Variants in DNM3 observed in about 807,000 individuals in gnomAD.
The protein encoded by DNM3 is dynamin 3.
Under a neutral mutation model 101.6 loss-of-function variants are expected in DNM3, and 47 were observed. The ratio of observed to expected loss-of-function variants is 0.46; its 90% CI spans 0.37 to 0.59. The LOEUF is 0.59. DNM3 is among the 20% of genes least tolerant of loss of function. DNM3 has a pLI of 0.00. For synonymous variants in DNM3, 385 were observed against 387.9 expected (o/e 0.99, Z 0.09); for missense variants, 849 against 1,085.7 (o/e 0.78, Z 3.06).
intron 13 of DNM3, among the ~76,000 whole-genome samples, chr1:172,114,603 C>G (rs1472601772): frequency 6.6e-6 from 1 of 152,180 alleles, no homozygotes. Flanking sequence ...CTTTTGTTCC[C>G]TGTACTAACA....
intron 15 of DNM3, among the ~76,000 whole-genome samples, chr1:172,270,747 A>G (rs2063052313): frequency 6.6e-6 from 1 of 152,154 alleles, no homozygotes; most frequent in Non-Finnish European, 1.5e-5. Flanking sequence ...GCAACGTCTA[A>G]CTGTAGCGAG....
chr1:172,067,202 C>T (rs1448905727), intron 10 of DNM3, among the ~76,000 whole-genome samples: 1 of 152,106 alleles, frequency 6.6e-6, no homozygotes, highest in Non-Finnish European at 1.5e-5. Context: ...TGCTTATTGA[C>T]TATTAAGTCT....
intron 2 of DNM3, among the ~76,000 whole-genome samples, chr1:171,938,386 TCTC>T (rs1309745888): frequency 6.6e-6 from 1 of 152,146 alleles, no homozygotes; most frequent in Non-Finnish European, 1.5e-5. Context: ...GAGCTTGGCA[TCTC>T]CTCCTTGATT....
At chr1:172,081,783 G>T in intron 11 of DNM3, 49 bp from the exon 12 acceptor site, 1 of 1,492,112 alleles carries the variant, frequency 6.7e-7, no homozygotes. Flanking sequence ...TTTAATGTTT[G>T]AGAATTTTTA....
chr1:172,355,015 C>A (rs754480923), intron 17 of DNM3, among the ~76,000 whole-genome samples: 2 of 152,130 alleles, frequency 1.3e-5, no homozygotes, highest in African/African-American at 2.4e-5. Flanking sequence ...AGAGAAAAGT[C>A]TTTGAGAATC....
At chr1:171,956,159 AC>A (rs1287666598) in intron 2 of DNM3, among the ~76,000 whole-genome samples, 2 of 152,144 alleles carry the variant, frequency 1.3e-5, no homozygotes, top group Middle Eastern at 3.2e-3. Flanking sequence ...TGCCTTCCCA[AC>A]AGTCCCCTAA....
At chr1:172,121,898 C>T (rs1051583845) in intron 13 of DNM3, among the ~76,000 whole-genome samples, 1 of 152,114 alleles carries the variant, frequency 6.6e-6, no homozygotes, top group South Asian at 2.1e-4. Flanking sequence ...TTCAGTCAAT[C>T]CAGTCAGTTC....
At position 172,326,674 on chromosome 1, in the gene DNM3, G is replaced by A. The variant is rs142961829; in HGVS notation, c.1893+3334G>A. Among the ~76,000 whole-genome samples the A allele has an allele frequency of 2.2e-3, 328 of 151,736 alleles. 1 individual carries two copies. The highest frequency in any genetic ancestry group is 7.4e-3 in the African/African-American group (306 of 41,360). On this transcript the variant is annotated intron_variant, in intron 17 of 20. Transcript: ENST00000627582. Reference sequence around the variant, plus strand: ...TTTAATTTTTTATTAAATACTTGACGTTTCAGTTAAATATTTTTGATATTA... The same window carrying A: ...TTTAATTTTTTATTAAATACTTGACATTTCAGTTAAATATTTTTGATATTA...
At position 172,071,583 on chromosome 1, in the gene DNM3, T is replaced by C. The variant is rs148052660; in HGVS notation, c.1422+2678T>C. Among the ~76,000 whole-genome samples, 4 of 152,278 alleles carry C rather than the reference T, an allele frequency of 2.6e-5. No homozygotes were observed. The East Asian group carries it at 7.7e-4, about 29-fold the overall frequency. On this transcript the variant is annotated intron_variant, in intron 11 of 20. Transcript: ENST00000627582. ...ACATTCTTGCAGTTTTATTTCTTTCTTTAAAAAGTAGAGTTACTACCAACT... is the reference window on the plus strand; with the variant it reads ...ACATTCTTGCAGTTTTATTTCTTTCCTTAAAAAGTAGAGTTACTACCAACT...
chr1:171,897,483 A>G (rs1237338543), intron 1 of DNM3, among the ~76,000 whole-genome samples: 1 of 152,236 alleles, frequency 6.6e-6, no homozygotes, highest in East Asian at 1.9e-4. Context: ...TTTAATGAGT[A>G]GAACAGATGT....
chr1:172,050,511 G>A (rs1190968772), intron 10 of DNM3, among the ~76,000 whole-genome samples: 1 of 152,138 alleles, frequency 6.6e-6, no homozygotes, highest in Non-Finnish European at 1.5e-5. Context: ...AAGACTTTGA[G>A]TTTTGTTTCT....
intron 14 of DNM3, among the ~76,000 whole-genome samples, chr1:172,215,510 T>A (rs2148539208): frequency 6.6e-6 from 1 of 152,124 alleles, no homozygotes; most frequent in African/African-American, 2.4e-5. Flanking sequence ...ATGTATGTTT[T>A]AAATTAAGGA....
intron 20 of DNM3, among the ~76,000 whole-genome samples, chr1:172,396,303 A>C (rs1018344116): frequency 2.0e-5 from 3 of 152,224 alleles, no homozygotes; most frequent in African/African-American, 7.2e-5. Flanking sequence ...AATCCATAGC[A>C]AGGTAGGGTC....
At chr1:172,139,694 T>C (rs2057461449) in intron 14 of DNM3, 1 of 152,124 alleles carries the variant, frequency 6.6e-6, no homozygotes, top group Admixed American at 6.5e-5. Flanking sequence ...TCAGAATGTG[T>C]TTTGGATATA....
At chr1:172,238,113 A>T (rs1217622991) in intron 14 of DNM3, among the ~76,000 whole-genome samples, 1 of 152,200 alleles carries the variant, frequency 6.6e-6, no homozygotes. Flanking sequence ...CTAAAATTGA[A>T]TGGTGGTGTC....
intron 17 of DNM3, among the ~76,000 whole-genome samples, chr1:172,341,379 A>T (rs2066680413): frequency 6.6e-6 from 1 of 152,230 alleles, no homozygotes; most frequent in South Asian, 2.1e-4. Flanking sequence ...AGAATTGGAA[A>T]AATCTAGTAT....
chr1:171,942,744 T>A (rs2041904682), intron 2 of DNM3, among the ~76,000 whole-genome samples: 1 of 152,164 alleles, frequency 6.6e-6, no homozygotes, highest in Non-Finnish European at 1.5e-5. Context: ...TTTTTGTATG[T>A]CACTAAGTCT....
At chr1:172,202,686 G>A (rs187057154) in intron 14 of DNM3, among the ~76,000 whole-genome samples, 26 of 152,226 alleles carry the variant, frequency 1.7e-4, no homozygotes, top group East Asian at 3.9e-4. Context: ...TCAACTGGGC[G>A]TGAGAACTAT....
intron 13 of DNM3, among the ~76,000 whole-genome samples, chr1:172,119,851 C>T (rs1405664950): frequency 6.6e-6 from 1 of 152,160 alleles, no homozygotes; most frequent in African/African-American, 2.4e-5. Flanking sequence ...CTTCGACACC[C>T]CTTTCTCTCC....
Sources: allele counts gnomAD v4.1 joint callset (sites outside exome capture counted in the v4.1 genomes callset), GRCh38; gene constraint gnomAD v4.1.1; transcripts MANE v1.5; gene names NCBI Gene and HGNC (gene_info 2026-07-23, HGNC 2026-07-21).